Variants in TMEM272 observed in about 807,000 individuals in gnomAD.
The protein encoded by TMEM272 is long intergenic non-protein coding RNA 282.
Under a neutral mutation model 3.7 loss-of-function variants are expected in TMEM272, and 8 were observed. The ratio of observed to expected loss-of-function variants is 2.17; its 90% CI spans 1.27 to 3.91. The LOEUF (loss-of-function observed/expected upper bound fraction) is 3.91. TMEM272 is among the 30% of genes most tolerant of loss of function. TMEM272 has a pLI of 0.00. For synonymous variants in TMEM272, 63 were observed against 39.8 expected (o/e 1.58, Z -2.20); for missense variants, 166 against 91.5 (o/e 1.81, Z -3.32).
the TMEM272 span, among the ~76,000 whole-genome samples, chr13:51,891,660 T>C: frequency 6.6e-6 from 1 of 152,172 alleles, no homozygotes; most frequent in Non-Finnish European, 1.5e-5. Context: ...TGACATGACA[T>C]CTGCACGAAG....
chr13:51,844,459 T>C (rs1956288383), intron 1 of TMEM272, among the ~76,000 whole-genome samples: 1 of 152,204 alleles, frequency 6.6e-6, no homozygotes, highest in Admixed American at 6.5e-5. Flanking sequence ...CAGTCCTTTC[T>C]TATCTGTAGC....
the TMEM272 span, among the ~76,000 whole-genome samples, chr13:51,924,741 G>C: frequency 2.0e-5 from 3 of 151,998 alleles, no homozygotes; most frequent in Non-Finnish European, 4.4e-5. Flanking sequence ...CAGCAGCCAG[G>C]ATGCACCCCC....
At chr13:51,863,958 T>C in the TMEM272 span, among the ~76,000 whole-genome samples, 3 of 152,292 alleles carry the variant, frequency 2.0e-5, no homozygotes, top group South Asian at 6.2e-4. Flanking sequence ...CACCTTCCTA[T>C]GTCCAGCACT....
At chr13:51,881,999 GA>G in the TMEM272 span, among the ~76,000 whole-genome samples, 4 of 152,184 alleles carry the variant, frequency 2.6e-5, no homozygotes, top group Admixed American at 6.5e-5. Flanking sequence ...TCTATGGTGT[GA>G]GACTAAAGAA....
chr13:51,834,662 G>C (rs1406947917), intron 2 of TMEM272, among the ~76,000 whole-genome samples: 1 of 152,034 alleles, frequency 6.6e-6, no homozygotes, highest in African/African-American at 2.4e-5. Flanking sequence ...CTTCACCCAG[G>C]CCTGAGCAGA....
At chr13:51,921,784 C>A in the TMEM272 span, among the ~76,000 whole-genome samples, 1 of 152,198 alleles carries the variant, frequency 6.6e-6, no homozygotes, top group East Asian at 1.9e-4. Context: ...CAGACATGTG[C>A]CCCCTGCTCT....
chr13:51,909,376 C>T, the TMEM272 span: 80 of 868,624 alleles, frequency 9.2e-5, no homozygotes, highest in Non-Finnish European at 1.4e-4. Context: ...CTGATCATTT[C>T]GTCTACTTTA....
the TMEM272 span, among the ~76,000 whole-genome samples, chr13:51,928,077 A>T: frequency 6.6e-6 from 1 of 152,010 alleles, no homozygotes; most frequent in Non-Finnish European, 1.5e-5. Context: ...GACACATGCA[A>T]AGACCACCAA....
intron 2 of TMEM272, among the ~76,000 whole-genome samples, chr13:51,837,781 G>A (rs1255452635): frequency 1.3e-5 from 2 of 152,240 alleles, no homozygotes; most frequent in African/African-American, 4.8e-5. Flanking sequence ...GCACCCATCT[G>A]TCAGCCCCTT....
At chr13:51,860,809 A>T in the TMEM272 span, among the ~76,000 whole-genome samples, 1 of 138,816 alleles carries the variant, frequency 7.2e-6, no homozygotes, top group Non-Finnish European at 1.5e-5. Context: ...GAAAAAATAT[A>T]TATATAGAAG....
chr13:51,816,905 G>C lies in TMEM272; in HGVS notation c.410C>G (p.Pro137Arg). ...FSVYLPDFLPPFQQPQDYCDK... is the reference protein window; with the variant it reads ...FSVYLPDFLPRFQQPQDYCDK... ...ACAGTAGTCCTGAGGCTGCTGGAAA[G>C]GGGGAAGAAAATCAGGCAGGTACAC... Residue 137 changes from proline (P) to arginine (R), a missense_variant, in exon 5 of 5, where the codon CCT (proline) becomes CGT (arginine). Transcript: ENST00000629372. 1.4e-6 allele frequency: 1 copy of C among 703,076 alleles called. No individual in the cohort carries two copies. The highest frequency in any genetic ancestry group is 2.6e-6 in the Non-Finnish European group (1 of 385,022). The allele number at this position is 703,076 out of a possible 1,614,324, so 43.6% of individuals were successfully genotyped here.
chr13:51,889,468 T>A, the TMEM272 span, among the ~76,000 whole-genome samples: 30 of 152,116 alleles, frequency 2.0e-4, no homozygotes, highest in African/African-American at 7.2e-4. Context: ...AAAAAGGCCC[T>A]GTGAAGACAT....
the TMEM272 span, among the ~76,000 whole-genome samples, chr13:51,926,453 G>C: frequency 6.6e-6 from 1 of 152,172 alleles, no homozygotes; most frequent in Non-Finnish European, 1.5e-5. Flanking sequence ...CAATTCACTA[G>C]TCCTCCCCAC....
chr13:51,838,692 G>T (rs1956236454), intron 1 of TMEM272, 139 bp from the exon 2 acceptor site: 4 of 667,524 alleles, frequency 6.0e-6, no homozygotes, highest in Admixed American at 2.1e-5. Flanking sequence ...CCAGTGTCAG[G>T]TGTGGCCTTG....
upstream of TMEM272, among the ~76,000 whole-genome samples, chr13:51,847,664 G>C (rs1956313459): frequency 1.3e-5 from 2 of 152,212 alleles, no homozygotes; most frequent in South Asian, 4.1e-4. Flanking sequence ...AGTGGAAGCA[G>C]AGTGACTGTG....
upstream of TMEM272, among the ~76,000 whole-genome samples, chr13:51,845,755 G>C (rs971078820): frequency 6.6e-6 from 1 of 152,216 alleles, no homozygotes; most frequent in African/African-American, 2.4e-5. Context: ...CTCAGCTGCT[G>C]ATTTATAAGA....
At chr13:51,845,396 A>T (rs1227718233), upstream of TMEM272, among the ~76,000 whole-genome samples, 1 of 152,140 alleles carries the variant, frequency 6.6e-6, no homozygotes, top group Non-Finnish European at 1.5e-5. Flanking sequence ...CTAGGGACTT[A>T]GTTCTGGTGC....
At chr13:51,854,842 G>A in the TMEM272 span, among the ~76,000 whole-genome samples, 1 of 152,034 alleles carries the variant, frequency 6.6e-6, no homozygotes, top group Non-Finnish European at 1.5e-5. Flanking sequence ...TGCTGCTTTG[G>A]GCCTTTTGGT....
At chr13:51,925,189 AC>A in the TMEM272 span, among the ~76,000 whole-genome samples, 1 of 152,118 alleles carries the variant, frequency 6.6e-6, no homozygotes, top group Non-Finnish European at 1.5e-5. Flanking sequence ...TCGTCTAGGC[AC>A]CCCCTAGCAA....
Sources: gnomAD v4.1 joint callset for allele counts (sites outside exome capture counted in the v4.1 genomes callset) on GRCh38, gnomAD v4.1.1 for gene constraint, MANE v1.5 for transcripts, NCBI Gene and HGNC (gene_info 2026-07-23, HGNC 2026-07-21) for gene names.